GRK3: variants seen among roughly 807,000 people sequenced by gnomAD.
The protein encoded by GRK3 is adrenergic, beta, receptor kinase 2.
In GRK3, 54 loss-of-function variants were observed where a neutral mutation model predicts 95.7. That is an observed-to-expected ratio of 0.56 (90% confidence interval 0.45 to 0.71). The LOEUF (loss-of-function observed/expected upper bound fraction) is 0.71. Ranked by LOEUF, GRK3 falls within the 30% of genes least tolerant of loss-of-function variation. The probability of loss-of-function intolerance (pLI) is 0.00; values close to 1 mark genes in which losing one functional copy is unlikely to be tolerated. For synonymous variants in GRK3, 281 were observed against 290.8 expected (o/e 0.97, Z 0.34); for missense variants, 649 against 851.2 (o/e 0.76, Z 2.96).
intron 3 of GRK3, chr22:25,649,165 A>G (rs182668464): frequency 7.2e-7 from 1 of 1,387,280 alleles, no homozygotes; most frequent in Non-Finnish European, 1.0e-6. Context: ...ACATTTGAAT[A>G]TGTTCAGTCC....
At chr22:25,706,705 T>C (rs1601541223) in intron 15 of GRK3, among the ~76,000 whole-genome samples, 3 of 152,102 alleles carry the variant, frequency 2.0e-5, no homozygotes. Context: ...TAATGTTTAG[T>C]AGAGATGGGG....
intron 8 of GRK3, among the ~76,000 whole-genome samples, chr22:25,677,290 T>A (rs921994688): frequency 1.3e-5 from 2 of 150,386 alleles, no homozygotes; most frequent in Non-Finnish European, 3.0e-5. Context: ...GTGGGAGGAT[T>A]GCTTGAGACC....
At chr22:25,669,798 C>A (rs1219543958) in intron 6 of GRK3, among the ~76,000 whole-genome samples, 1 of 152,204 alleles carries the variant, frequency 6.6e-6, no homozygotes, top group Non-Finnish European at 1.5e-5. Flanking sequence ...TGTTTGTTAA[C>A]CCTCCTCAGC....
At chr22:25,675,070 G>A (rs1283534837) in intron 8 of GRK3, among the ~76,000 whole-genome samples, 4 of 152,138 alleles carry the variant, frequency 2.6e-5, no homozygotes, top group Non-Finnish European at 4.4e-5. Flanking sequence ...AAGATGGTGC[G>A]GGTTGTGGGT....
chr22:25,640,001 C>G (rs1355429822), intron 2 of GRK3, among the ~76,000 whole-genome samples: 6 of 152,040 alleles, frequency 3.9e-5, no homozygotes. Context: ...TGGTTTTTAT[C>G]TAATGACCTT....
rs2085465386 is a variant in GRK3 at position 25,725,335 on chromosome 22, GTCTTGATT to G, written c.*2888_*2895del. On this transcript the variant is annotated 3_prime_UTR_variant, in exon 21 of 21. Transcript: ENST00000324198. ...TTTTTACAAAATCATGCGGTAATAA[GTCTTGATT>G]TCATGATTCAAAAGAATCAATAAAG... The G allele has an allele frequency of 2.6e-6, 1 of 384,832 alleles. No individual in the cohort carries two copies. Among genetic ancestry groups the G allele is most frequent in the African/African-American group, 2.1e-5 (1 of 48,294 alleles). The allele number at this position is 384,832 out of a possible 1,614,324, so 23.8% of individuals were successfully genotyped here.
intron 11 of GRK3, among the ~76,000 whole-genome samples, chr22:25,689,548 G>T (rs1034526554): frequency 3.3e-5 from 5 of 152,152 alleles, no homozygotes; most frequent in African/African-American, 1.2e-4. Context: ...GAGAGACTAG[G>T]TTTGTTTTTC....
chr22:25,685,772 G>A (rs2085107980), intron 10 of GRK3, among the ~76,000 whole-genome samples: 2 of 152,090 alleles, frequency 1.3e-5, no homozygotes, highest in South Asian at 4.1e-4. Flanking sequence ...TAGAAAAGGA[G>A]CTTTCTGATA....
chr22:25,647,238 C>T, intron 3 of GRK3: 1 of 532,482 alleles, frequency 1.9e-6, no homozygotes, highest in South Asian at 2.3e-5. Flanking sequence ...CTCATGAGAG[C>T]ACAGCCAGAG....
rs2146479208 is a variant in GRK3, at chr22:25,722,747, C to T, written c.*297C>T. On this transcript the variant is annotated 3_prime_UTR_variant, in exon 21 of 21. Coordinates refer to ENST00000324198, the MANE Select transcript of GRK3 (RefSeq NM_005160.4). ...AAATTTTTATGTCTGATATCAAACA[C>T]ATCTTAGACTCCCCAGAATGGAATT... 3.7e-6 allele frequency: 1 copy of T among 267,412 alleles called. No individual in the cohort carries two copies. The allele number at this position is 267,412 out of a possible 1,614,324, so 16.6% of individuals were successfully genotyped here.
intron 2 of GRK3, among the ~76,000 whole-genome samples, chr22:25,641,182 T>C (rs1328776947): frequency 1.3e-5 from 2 of 152,334 alleles, no homozygotes; most frequent in East Asian, 1.9e-4. Flanking sequence ...GTGTTTTCTA[T>C]TGTGTGTTGA....
intron 13 of GRK3, among the ~76,000 whole-genome samples, chr22:25,698,994 A>G (rs2085234103): frequency 6.6e-6 from 1 of 152,140 alleles, no homozygotes; most frequent in South Asian, 2.1e-4. Flanking sequence ...TGGGAGAATA[A>G]CGATGTCATT....
At position 25,718,255 on chromosome 22, in the gene GRK3, G is replaced by T; in HGVS notation, c.1665G>T (p.Leu555=). 1 of 1,613,890 alleles carries T rather than the reference G, an allele frequency of 6.2e-7. No homozygotes were observed. The highest frequency in any genetic ancestry group is 8.5e-7 in the Non-Finnish European group (1 of 1,179,864). ...KQLGHEEDYA[L]GKDCIMHGYM... is the part of the protein sequence containing the mutation. ...TTTTGTATTCCTCAGATTACGCTCT[G>T]GGGAAGGACTGTATTATGCACGGGT... Residue 555 remains leucine (L), a synonymous_variant, in exon 19 of 21, where the codon CTG becomes CTT. Coordinates refer to ENST00000324198, the MANE Select transcript of GRK3 (RefSeq NM_005160.4).
At chr22:25,651,113 G>A (rs926370710) in intron 3 of GRK3, among the ~76,000 whole-genome samples, 1 of 152,054 alleles carries the variant, frequency 6.6e-6, no homozygotes, top group Non-Finnish European at 1.5e-5. Context: ...AAGTGCAAAA[G>A]TGAAACATAC....
rs1031368765 is a variant in GRK3, at chr22:25,617,894, A to T, written c.190+13441A>T. Among the ~76,000 whole-genome samples the T allele has an allele frequency of 2.0e-5, 3 of 152,212 alleles. No individual in the cohort carries two copies. The East Asian group carries it at 5.8e-4, about 29-fold the overall frequency. ...TGGGTTCAAGCGATTCTCGTACCTC[A>T]GCCTCCTGAGTAGCTGGGACTACAG... is the stretch of plus-strand genomic sequence containing the variant. On this transcript the variant is annotated intron_variant, in intron 2 of 20. Transcript: ENST00000324198.
chr22:25,702,557 A>G (rs2085267121), intron 13 of GRK3, among the ~76,000 whole-genome samples: 1 of 152,194 alleles, frequency 6.6e-6, no homozygotes, highest in Non-Finnish European at 1.5e-5. Flanking sequence ...AACCATGGTA[A>G]TTTAGTTTGC....
Position 25,685,188 on chromosome 22 carries a change from T to G in GRK3, c.766T>G (p.Cys256Gly), listed in dbSNP as rs776838010. 5 of 1,613,296 alleles carry G rather than the reference T, an allele frequency of 3.1e-6. No homozygotes were observed. The South Asian group carries it at 5.5e-5, about 18-fold the overall frequency. The change falls in exon 10 of 21, where the codon TGT becomes GGT. Residue 256 changes from cysteine (C) to glycine (G), a missense_variant. Coordinates refer to ENST00000324198, the MANE Select transcript of GRK3 (RefSeq NM_005160.4). The stretch of plus-strand genomic sequence containing the variant: ...ACTCTAGGACTGTCCTTTCATTGTA[T>G]GTATGACCTATGCCTTCCATACCCC... ...VSTGDCPFIVCMTYAFHTPDK... is the reference protein window; with the variant it reads ...VSTGDCPFIVGMTYAFHTPDK...
chr22:25,598,564 A>G (rs2084387903), intron 1 of GRK3, among the ~76,000 whole-genome samples: 2 of 151,856 alleles, frequency 1.3e-5, no homozygotes, highest in African/African-American at 2.4e-5. Flanking sequence ...CTTCCCAGCT[A>G]CTTGAGAGTC....
intron 8 of GRK3, among the ~76,000 whole-genome samples, chr22:25,677,370 C>A: frequency 2.1e-5 from 2 of 96,092 alleles, no homozygotes; most frequent in South Asian, 3.6e-4. Flanking sequence ...AATGAGACCC[C>A]ATATCTTAAA....
Sources: gnomAD v4.1 joint callset for allele counts (sites outside exome capture counted in the v4.1 genomes callset) on GRCh38, gnomAD v4.1.1 for gene constraint, MANE v1.5 for transcripts, NCBI Gene and HGNC (gene_info 2026-07-23, HGNC 2026-07-21) for gene names.